The following ZNF681 variants were observed in gnomAD, a reference collection of about 807,000 sequenced individuals.
The protein encoded by ZNF681 is hypothetical protein FLJ31526.
ZNF681 carries 37 observed loss-of-function variants against 56.0 expected under a neutral mutation model. The ratio of observed to expected loss-of-function variants is 0.66; its 90% CI spans 0.51 to 0.87. ZNF681 has a LOEUF of 0.87. Among genes scored for constraint, ZNF681 ranks in the 40% least tolerant of loss-of-function variants. The pLI, the probability that ZNF681 is intolerant of heterozygous loss-of-function variation, is 0.00. For missense variants in ZNF681, 741 were observed against 744.9 expected, an observed-to-expected ratio of 0.99 and a Z score of 0.06; for synonymous variants, 225 against 248.6, an observed-to-expected ratio of 0.91 and a Z score of 0.89.
rs978042137 is a variant in ZNF681 at position 23,742,290 on chromosome 19, G to A, written c.*1322C>T. ...GTGGATCACCCGAGGTCGGGAGTTT[G>A]AGACCAGCCTGACCAACATAGAGAA... On this transcript the variant is annotated 3_prime_UTR_variant, in exon 4 of 4. Transcript: ENST00000402377. 2.6e-5 allele frequency: 4 copies of A among 152,076 alleles called. No individual in the cohort carries two copies. Among genetic ancestry groups the A allele is most frequent in the African/African-American group, 9.7e-5 (4 of 41,394 alleles). The allele number at this position is 152,076 out of a possible 1,614,324, so 9.4% of individuals were successfully genotyped here.
intron 1 of ZNF681, 101 bp downstream of exon 1, chr19:23,758,646 A>T: frequency 6.3e-7 from 1 of 1,577,938 alleles, no homozygotes; most frequent in Non-Finnish European, 8.7e-7. Flanking sequence ...CGCCTGGGCG[A>T]GGAGAACTCA....
At chr19:23,758,694 G>C in intron 1 of ZNF681, 53 bp downstream of exon 1, 1 of 1,613,982 alleles carries the variant, frequency 6.2e-7, no homozygotes, top group Non-Finnish European at 8.5e-7. Context: ...CGAGGTCTGA[G>C]TCCCGCCACA....
chr19:23,749,284 C>A (rs575149508), intron 3 of ZNF681, among the ~76,000 whole-genome samples: 1 of 152,070 alleles, frequency 6.6e-6, no homozygotes, highest in Admixed American at 6.6e-5. Flanking sequence ...TAAGTAGTCA[C>A]GCTCATAAAA....
chr19:23,754,998 G>A, intron 2 of ZNF681, 80 bp from the exon 3 acceptor site: 1 of 1,015,762 alleles, frequency 9.8e-7, no homozygotes, highest in Non-Finnish European at 1.5e-6. Context: ...AGTAAAGAGG[G>A]TGAAATAGAA....
chr19:23,742,535 T>A lies in ZNF681; in HGVS notation c.*1077A>T, dbSNP rs10153523. 148,693 of 151,962 alleles carry A rather than the reference T, an allele frequency of 0.98. 72,843 individuals carry two copies. The highest frequency in any genetic ancestry group is 1 in the Middle Eastern group (294 of 294). The allele number at this position is 151,962 out of a possible 1,614,324, so 9.4% of individuals were successfully genotyped here. A position where few individuals can be genotyped will look rare whatever the true frequency, so the allele number is the denominator to read the frequency against. ...ATTAGTAAAATGATATACCAGAAAA[T>A]TTTTTTTCTCAATATAACACAGGAT... On this transcript the variant is annotated 3_prime_UTR_variant, in exon 4 of 4. Coordinates refer to ENST00000402377, the MANE Select transcript of ZNF681 (RefSeq NM_138286.3).
At position 23,744,728 on chromosome 19, in the gene ZNF681, T is replaced by C. The variant is rs1968918107; in HGVS notation, c.822A>G (p.Ile274Met). The change falls in exon 4 of 4, where the codon ATA becomes ATG. Residue 274 changes from isoleucine (I) to methionine (M), a missense_variant. Ile to Met is a conservative substitution (Grantham distance 10). Transcript: ENST00000402377. Reference protein sequence around the residue: ...NLSSHITTHTIIHTGENPYKR... With the variant: ...NLSSHITTHTMIHTGENPYKR... ...TGTAGGGATTCTCTCCAGTATGAATTATTGTATGTGTTGTAATGTGTGACG... is the reference window on the plus strand; with the variant it reads ...TGTAGGGATTCTCTCCAGTATGAATCATTGTATGTGTTGTAATGTGTGACG... 6.2e-7 allele frequency: 1 copy of C among 1,614,016 alleles called. No individual in the cohort carries two copies. The highest frequency in any genetic ancestry group is 1.3e-5 in the African/African-American group (1 of 75,058).
intron 2 of ZNF681, 133 bp from the exon 3 acceptor site, chr19:23,755,051 A>ATTTCTAAATAT: frequency 1.6e-6 from 1 of 612,918 alleles, no homozygotes; most frequent in Non-Finnish European, 2.6e-6. Flanking sequence ...TATAAAAGAA[A>ATTTCTAAATAT]TTTCTAAATA....
chr19:23,756,988 A>G (rs1969130978), intron 1 of ZNF681, among the ~76,000 whole-genome samples: 1 of 151,912 alleles, frequency 6.6e-6, no homozygotes, highest in African/African-American at 2.4e-5. Flanking sequence ...CTCCGACCTC[A>G]GCCTCCAGAG....
intron 1 of ZNF681, among the ~76,000 whole-genome samples, chr19:23,757,475 T>A (rs572408175): frequency 6.6e-6 from 1 of 152,288 alleles, no homozygotes; most frequent in East Asian, 1.9e-4. Context: ...AAATTTATAT[T>A]GTGTCTGTTT....
At position 23,740,434 on chromosome 19, in the gene ZNF681, T is replaced by A. The variant is rs902636001; in HGVS notation, c.*3178A>T. On this transcript the variant is annotated 3_prime_UTR_variant, in exon 4 of 4. Coordinates refer to ENST00000402377, the MANE Select transcript of ZNF681 (RefSeq NM_138286.3). ...GCACAATTTTTTAATTCAGCAAAAC[T>A]GAGCTTTGCAGCCTGAAAATAAATG... is the stretch of plus-strand genomic sequence containing the variant. 6.6e-6 allele frequency: 1 copy of A among 152,126 alleles called. No individual in the cohort carries two copies. The highest frequency in any genetic ancestry group is 1.5e-5 in the Non-Finnish European group (1 of 68,014). The allele number at this position is 152,126 out of a possible 1,614,324, so 9.4% of individuals were successfully genotyped here.
At position 23,754,817 on chromosome 19, in the gene ZNF681, A is replaced by C. The variant is rs1599460841; in HGVS notation, c.226+6T>G. 6 of 1,612,004 alleles carry C rather than the reference A, an allele frequency of 3.7e-6. No homozygotes were observed. In the East Asian group the frequency reaches 8.9e-5, roughly 24 times the overall value. On this transcript the variant is annotated splice_donor_region_variant and intron_variant, in intron 3 of 3. Coordinates refer to ENST00000402377, the MANE Select transcript of ZNF681 (RefSeq NM_138286.3). ...ATCTGTTGTATTCACTTTCACTCTC[A>C]CCTACCTGGGGGTTCGGCCACCATC...
Position 23,741,854 on chromosome 19 carries a change from G to A in ZNF681, c.*1758C>T, listed in dbSNP as rs1313612672. 2 of 151,802 alleles carry A rather than the reference G, an allele frequency of 1.3e-5. No homozygotes were observed. The highest frequency in any genetic ancestry group is 6.6e-5 in the Admixed American group (1 of 15,238). 9.4% of individuals were successfully genotyped at this position (151,802 alleles called of 1,614,324 possible). ...ACCTGTATCAAAATATGCCATATAT[G>A]CCATATTTACACATACTATGTACCC... On this transcript the variant is annotated 3_prime_UTR_variant, in exon 4 of 4. Coordinates refer to ENST00000402377, the MANE Select transcript of ZNF681 (RefSeq NM_138286.3).
Position 23,740,698 on chromosome 19 carries a change from T to C in ZNF681, c.*2914A>G, listed in dbSNP as rs1303548054. On this transcript the variant is annotated 3_prime_UTR_variant, in exon 4 of 4. Coordinates refer to ENST00000402377, the MANE Select transcript of ZNF681 (RefSeq NM_138286.3). ...TCAATCAATATTTACTTATTTTCATTATAAAAACTGAAAGGAACAAAAACT... is the reference window on the plus strand; with the variant it reads ...TCAATCAATATTTACTTATTTTCATCATAAAAACTGAAAGGAACAAAAACT... 24 of 152,120 alleles carry C rather than the reference T, an allele frequency of 1.6e-4. No homozygotes were observed. The highest frequency in any genetic ancestry group is 1.6e-3 in the Admixed American group (24 of 15,262). 9.4% of individuals were successfully genotyped at this position (152,120 alleles called of 1,614,324 possible).
intron 3 of ZNF681, among the ~76,000 whole-genome samples, chr19:23,747,382 G>C (rs942007150): frequency 5.3e-5 from 8 of 151,998 alleles, no homozygotes; most frequent in Non-Finnish European, 8.8e-5. Flanking sequence ...GCTCAAGCCT[G>C]TAATCCCAGC....
intron 2 of ZNF681, 39 bp from the exon 3 acceptor site, chr19:23,754,957 A>AT (rs2144853717): frequency 6.5e-7 from 1 of 1,543,550 alleles, no homozygotes; most frequent in Non-Finnish European, 8.9e-7. Flanking sequence ...TCTTGCTTAT[A>AT]TTGTCTAATC....
rs765357041 is a variant in ZNF681 at position 23,744,214 on chromosome 19, C to T, written c.1336G>A (p.Glu446Lys). The change falls in exon 4 of 4, where the codon GAA becomes AAA. Residue 446 changes from glutamate to lysine, a missense_variant. By Grantham distance (56) the Glu-to-Lys change is moderately conservative (BLOSUM62 1). Coordinates refer to ENST00000402377, the MANE Select transcript of ZNF681 (RefSeq NM_138286.3). ...NLTEHKNIHTEEKPYKCEECG... is the reference protein window; with the variant it reads ...NLTEHKNIHTKEKPYKCEECG... ...TCTTCACATTTGTATGGTTTCTCTTCAGTATGAATATTCTTATGTTCAGTA... is the reference window on the plus strand; with the variant it reads ...TCTTCACATTTGTATGGTTTCTCTTTAGTATGAATATTCTTATGTTCAGTA... The T allele has an allele frequency of 6.2e-7, 1 of 1,613,474 alleles. No homozygotes were observed.
At chr19:23,745,451 T>A in intron 3 of ZNF681, 128 bp from the exon 4 acceptor site, 1 of 426,582 alleles carries the variant, frequency 2.3e-6, no homozygotes, top group Non-Finnish European at 3.4e-6. Flanking sequence ...AGGCCCTAAT[T>A]TTTTTTTTTT....
chr19:23,740,806 A>G lies in ZNF681; in HGVS notation c.*2806T>C, dbSNP rs1251876067. ...ACAACATAAAATATAACAATACACT[A>G]ATTTTGAAATTAAATCTAAATTTTT... On this transcript the variant is annotated 3_prime_UTR_variant, in exon 4 of 4. Transcript: ENST00000402377. 6.6e-6 allele frequency: 1 copy of G among 152,158 alleles called. No individual in the cohort carries two copies. Among genetic ancestry groups the G allele is most frequent in the East Asian group, 1.9e-4 (1 of 5,198 alleles). The allele number at this position is 152,158 out of a possible 1,614,324, so 9.4% of individuals were successfully genotyped here. A position where few individuals can be genotyped will look rare whatever the true frequency, so the allele number is the denominator to read the frequency against.
chr19:23,744,940 C>T lies in ZNF681; in HGVS notation c.610G>A (p.Gly204Arg). ...RVNFYKCEDC[G>R]KAFNGSSIFT... Reference sequence around the variant, plus strand: ...ATTGAGGATCCATTAAAGGCTTTTCCACAGTCTTCACATTTGTAGAAATTT... The same window carrying T: ...ATTGAGGATCCATTAAAGGCTTTTCTACAGTCTTCACATTTGTAGAAATTT... The change falls in exon 4 of 4, where the codon GGA becomes AGA. Residue 204 changes from glycine to arginine, a missense_variant. Physicochemically the swap from Gly to Arg is moderately radical, Grantham distance 125 (BLOSUM62 -2). Coordinates refer to ENST00000402377, the MANE Select transcript of ZNF681 (RefSeq NM_138286.3). 1 of 1,067,852 alleles carries T rather than the reference C, an allele frequency of 9.4e-7. No homozygotes were observed. Among genetic ancestry groups the T allele is most frequent in the Non-Finnish European group, 1.3e-6 (1 of 742,460 alleles). The allele number at this position is 1,067,852 out of a possible 1,614,324, so 66.1% of individuals were successfully genotyped here.
Sources: gnomAD v4.1 joint callset for allele counts (sites outside exome capture counted in the v4.1 genomes callset) on GRCh38, gnomAD v4.1.1 for gene constraint, MANE v1.5 for transcripts, NCBI Gene and HGNC (gene_info 2026-07-23, HGNC 2026-07-21) for gene names.